HOXB3: variants seen among roughly 807,000 people sequenced by gnomAD.
HOXB3 encodes homeobox B3.
In HOXB3, 17 loss-of-function variants were observed where a neutral mutation model predicts 29.2. The observed-to-expected ratio is 0.58, with a 90% CI of 0.40 to 0.87. HOXB3 has a LOEUF of 0.87. HOXB3 is among the 40% of genes least tolerant of loss of function. HOXB3 has a pLI of 0.00. For missense variants in HOXB3, 637 were observed against 616.3 expected (o/e 1.03, Z -0.35); for synonymous variants, 317 against 285.9 (o/e 1.11, Z -1.10).
rs777841035 is a variant in HOXB3, at chr17:48,578,199, C to T, written c.-424-4185G>A. 4.3e-6 allele frequency: 7 copies of T among 1,613,494 alleles called. No individual in the cohort carries two copies. The Admixed American group carries it at 1.2e-4, about 27-fold the overall frequency. On this transcript the variant is annotated intron_variant, in intron 1 of 4. Coordinates refer to ENST00000498678, the MANE Select transcript of HOXB3 (RefSeq NM_001384749.1). ...TGGAAGCTGCTCTCTCGCCTCTGGC[C>T]GCCGGCGTAGTACCCGGGCGAGTGG...
intron 3 of HOXB3, chr17:48,553,783 G>C (rs2068857879): frequency 6.6e-6 from 1 of 151,486 alleles, no homozygotes; most frequent in Admixed American, 6.6e-5. Context: ...ATAGGATTTT[G>C]TGTATTTGTT....
intron 2 of HOXB3, among the ~76,000 whole-genome samples, chr17:48,572,212 A>G (rs1301194728): frequency 6.6e-6 from 1 of 152,220 alleles, no homozygotes; most frequent in Non-Finnish European, 1.5e-5. Flanking sequence ...AATAGCCTGC[A>G]CTGATCCTCC....
chr17:48,565,337 G>A (rs2069356112), intron 2 of HOXB3, among the ~76,000 whole-genome samples: 2 of 152,146 alleles, frequency 1.3e-5, no homozygotes, highest in South Asian at 2.1e-4. Flanking sequence ...CACCCCCAAG[G>A]GCCTACTCTA....
At chr17:48,563,660 G>A (rs1264790915) in intron 2 of HOXB3, among the ~76,000 whole-genome samples, 3 of 152,174 alleles carry the variant, frequency 2.0e-5, no homozygotes, top group Non-Finnish European at 4.4e-5. Context: ...TTGGTTTTTG[G>A]TTTCCAGAGC....
At chr17:48,568,317 C>CT (rs1419769459) in intron 2 of HOXB3, among the ~76,000 whole-genome samples, 3 of 152,158 alleles carry the variant, frequency 2.0e-5, no homozygotes, top group Non-Finnish European at 4.4e-5. Context: ...TGGTCATTGA[C>CT]TGGGTTTATA....
intron 1 of HOXB3, chr17:48,576,623 G>C: frequency 8.8e-7 from 1 of 1,133,036 alleles, no homozygotes; most frequent in Non-Finnish European, 1.2e-6. Context: ...GATTTTTCCG[G>C]GGCCCAGGCC....
intron 1 of HOXB3, chr17:48,578,335 G>A: frequency 6.2e-7 from 1 of 1,601,232 alleles, no homozygotes; most frequent in South Asian, 1.1e-5. Context: ...TCTGGGAATT[G>A]CCCACAAAAT....
In HOXB3 at chr17:48,573,961, C is replaced by T. The variant is rs2069672678; in HGVS notation, c.-371G>A. The T allele has an allele frequency of 1.5e-6, 1 of 688,000 alleles. No individual in the cohort carries two copies. Among genetic ancestry groups the T allele is most frequent in the African/African-American group, 1.8e-5 (1 of 56,334 alleles). 42.6% of individuals were successfully genotyped at this position (688,000 alleles called of 1,614,324 possible). A position where few individuals can be genotyped will look rare whatever the true frequency, so the allele number is the denominator to read the frequency against. Reference sequence around the variant, plus strand: ...TCCAAATTTTTTCCCCCTTGCAGATCCGGGAGAGACGGCTAACACTTTTTT... The same window carrying T: ...TCCAAATTTTTTCCCCCTTGCAGATTCGGGAGAGACGGCTAACACTTTTTT... On this transcript the variant is annotated 5_prime_UTR_variant, in exon 2 of 5. Transcript: ENST00000498678.
chr17:48,574,257 C>T (rs2069685695), intron 1 of HOXB3: 1 of 180,076 alleles, frequency 5.6e-6, no homozygotes, highest in Admixed American at 5.6e-5. Context: ...TTTTCCCCCT[C>T]AACTGGGGCT....
At chr17:48,570,101 G>A (rs1314068098) in intron 2 of HOXB3, among the ~76,000 whole-genome samples, 2 of 152,126 alleles carry the variant, frequency 1.3e-5, no homozygotes, top group South Asian at 4.1e-4. Context: ...TTTGAAGTCA[G>A]CCTGGCAGCC....
At chr17:48,585,115 C>A (rs1284590602) in intron 1 of HOXB3, among the ~76,000 whole-genome samples, 3 of 152,138 alleles carry the variant, frequency 2.0e-5, no homozygotes, top group Admixed American at 6.5e-5. Context: ...TCGCCAATGT[C>A]CCTACTACCC....
intron 2 of HOXB3, chr17:48,559,789 GGAA>G (rs1195942421): frequency 6.6e-6 from 1 of 152,284 alleles, no homozygotes; most frequent in Non-Finnish European, 1.5e-5. Flanking sequence ...TCGCTGCAGT[GGAA>G]GAAGAAAAAT....
intron 1 of HOXB3, chr17:48,577,904 G>A (rs766093975): frequency 1.5e-6 from 2 of 1,379,138 alleles, no homozygotes; most frequent in Non-Finnish European, 1.9e-6. Flanking sequence ...GTAGACGACG[G>A]GCTCTTTGCA....
At chr17:48,586,902 C>T (rs2070058183) in intron 1 of HOXB3, among the ~76,000 whole-genome samples, 1 of 152,122 alleles carries the variant, frequency 6.6e-6, no homozygotes, top group African/African-American at 2.4e-5. Context: ...GTTAACCCCT[C>T]TAGAAAGGAT....
At chr17:48,568,520 T>C (rs2069465204) in intron 2 of HOXB3, among the ~76,000 whole-genome samples, 1 of 151,968 alleles carries the variant, frequency 6.6e-6, no homozygotes, top group Admixed American at 6.5e-5. Flanking sequence ...AGAGCGACTC[T>C]CTCCCGGCCG....
chr17:48,587,537 T>C (rs1221870025), intron 1 of HOXB3, among the ~76,000 whole-genome samples: 1 of 152,104 alleles, frequency 6.6e-6, no homozygotes, highest in Non-Finnish European at 1.5e-5. Context: ...TCTCCATTGC[T>C]CAGAATCCTT....
chr17:48,570,351 C>T (rs1478137618), intron 2 of HOXB3, among the ~76,000 whole-genome samples: 1 of 152,152 alleles, frequency 6.6e-6, no homozygotes, highest in Non-Finnish European at 1.5e-5. Flanking sequence ...CAACTAGAAT[C>T]AGAGTTCTCG....
rs2068812971 is a variant in HOXB3, at chr17:48,552,690, T to A, written c.-158-58A>T. 8.3e-6 allele frequency: 4 copies of A among 482,886 alleles called. No individual in the cohort carries two copies. In the Admixed American group the frequency reaches 1.5e-4, roughly 18 times the overall value. The allele number at this position is 482,886 out of a possible 1,614,324, so 29.9% of individuals were successfully genotyped here. On this transcript the variant is annotated intron_variant, in intron 3 of 4. Coordinates refer to ENST00000498678, the MANE Select transcript of HOXB3 (RefSeq NM_001384749.1). ...AAGAGGACTGGGGCTCGAATCCATCTTAGGAACTGAAAAGGGAACTGACAT... is the reference window on the plus strand; with the variant it reads ...AAGAGGACTGGGGCTCGAATCCATCATAGGAACTGAAAAGGGAACTGACAT...
rs2068809217 is a variant in HOXB3, at chr17:48,552,625, C to T, written c.-151G>A. ...CCCCTCCTCCGGGGTCTGTTCCAAG[C>T]GGCTGACCTGCGAGGCGAGAGAAGA... On this transcript the variant is annotated 5_prime_UTR_variant, in exon 4 of 5. Transcript: ENST00000498678. 1.2e-5 allele frequency: 7 copies of T among 604,254 alleles called. No homozygotes were observed. The highest frequency in any genetic ancestry group is 3.5e-5 in the Admixed American group (1 of 28,548). The allele number at this position is 604,254 out of a possible 1,614,324, so 37.4% of individuals were successfully genotyped here. A position where few individuals can be genotyped will look rare whatever the true frequency, so the allele number is the denominator to read the frequency against.
Sources: allele counts gnomAD v4.1 joint callset (sites outside exome capture counted in the v4.1 genomes callset), GRCh38; gene constraint gnomAD v4.1.1; transcripts MANE v1.5; gene names NCBI Gene and HGNC (gene_info 2026-07-23, HGNC 2026-07-21).